CABCOCO1: variants seen among roughly 807,000 people sequenced by gnomAD.
CABCOCO1 encodes the protein ciliary associated calcium binding coiled-coil 1.
Under a neutral mutation model 35.7 loss-of-function variants are expected in CABCOCO1, and 28 were observed. The ratio of observed to expected loss-of-function variants is 0.78; its 90% confidence interval spans 0.58 to 1.07. CABCOCO1 has a LOEUF of 1.07. Among genes scored for constraint, CABCOCO1 ranks in the 50% least tolerant of loss-of-function variants. The pLI is 0.00. For missense variants in CABCOCO1, 326 were observed against 309.2 expected (o/e 1.05, Z -0.41); for synonymous variants, 95 against 100.1 (o/e 0.95, Z 0.30).
At chr10:61,677,693 C>A (rs1839560043) in intron 2 of CABCOCO1, among the ~76,000 whole-genome samples, 1 of 152,078 alleles carries the variant, frequency 6.6e-6, no homozygotes, top group African/African-American at 2.4e-5. Flanking sequence ...TATCCCTCCC[C>A]ACTCCCCCAA....
intron 3 of CABCOCO1, among the ~76,000 whole-genome samples, chr10:61,681,802 A>G (rs1839800525): frequency 6.6e-6 from 1 of 152,162 alleles, no homozygotes; most frequent in Non-Finnish European, 1.5e-5. Flanking sequence ...TAAAAGAAGC[A>G]AAAATAAGAA....
intron 7 of CABCOCO1, among the ~76,000 whole-genome samples, chr10:61,761,883 T>C (rs1465512919): frequency 6.6e-6 from 1 of 152,104 alleles, no homozygotes; most frequent in African/African-American, 2.4e-5. Context: ...CATCAAATGT[T>C]ATTGCACTAT....
At chr10:61,690,693 TAAC>T (rs1840111604) in intron 5 of CABCOCO1, 72 bp downstream of exon 5, 1 of 982,966 alleles carries the variant, frequency 1.0e-6, no homozygotes, top group African/African-American at 1.6e-5. Flanking sequence ...TCTGGATCTT[TAAC>T]TGCTTAAAGC....
intron 3 of CABCOCO1, 41 bp downstream of exon 3, chr10:61,681,353 T>G (rs1274414643): frequency 2.9e-6 from 4 of 1,401,980 alleles, no homozygotes; most frequent in Non-Finnish European, 9.8e-7. Flanking sequence ...CAAATTTAAT[T>G]TACCATATAA....
intron 5 of CABCOCO1, among the ~76,000 whole-genome samples, chr10:61,741,110 C>T (rs1461304133): frequency 6.6e-6 from 1 of 151,680 alleles, no homozygotes; most frequent in Non-Finnish European, 1.5e-5. Flanking sequence ...CACCATTGCA[C>T]TCCAGCCTGG....
At chr10:61,693,401 A>T (rs1451525170) in intron 5 of CABCOCO1, among the ~76,000 whole-genome samples, 1 of 152,058 alleles carries the variant, frequency 6.6e-6, no homozygotes, top group Non-Finnish European at 1.5e-5. Flanking sequence ...GACAAACATG[A>T]ATGTTTGAAA....
chr10:61,662,939 C>A lies in CABCOCO1; in HGVS notation c.-34C>A. ...GGCCCCACCCCAGTTGCCTAGGTGA[C>A]GAGGGGCCGCTTCTCTCGGCCGAGA... On this transcript the variant is annotated 5_prime_UTR_variant, in exon 1 of 8. Coordinates refer to ENST00000648843, the MANE Select transcript of CABCOCO1 (RefSeq NM_001366906.2). 2.6e-6 allele frequency: 1 copy of A among 388,486 alleles called. No homozygotes were observed. The highest frequency in any genetic ancestry group is 5.4e-6 in the Non-Finnish European group (1 of 185,390). 24.1% of individuals were successfully genotyped at this position (388,486 alleles called of 1,614,324 possible).
intron 5 of CABCOCO1, among the ~76,000 whole-genome samples, chr10:61,752,611 A>G (rs1841812663): frequency 6.6e-6 from 1 of 152,186 alleles, no homozygotes; most frequent in Non-Finnish European, 1.5e-5. Context: ...CCTTGATGCT[A>G]AGGGTTACCA....
In CABCOCO1 at chr10:61,696,911, A is replaced by G. The variant is rs371182176; in HGVS notation, c.552+6290A>G. Among the ~76,000 whole-genome samples, 5 of 152,266 alleles carry G rather than the reference A, an allele frequency of 3.3e-5. No homozygotes were observed. In the East Asian group the frequency reaches 9.6e-4, roughly 29 times the overall value. ...TATGAACAGATAACATACTTTACCA[A>G]TAAACAGATATAAAGATATCCAACC... is the stretch of plus-strand genomic sequence containing the variant. On this transcript the variant is annotated intron_variant, in intron 5 of 7. Coordinates refer to ENST00000648843, the MANE Select transcript of CABCOCO1 (RefSeq NM_001366906.2).
intron 1 of CABCOCO1, among the ~76,000 whole-genome samples, chr10:61,668,886 C>CA (rs981333769): frequency 4.6e-5 from 7 of 151,722 alleles, no homozygotes; most frequent in African/African-American, 1.7e-4. Context: ...CTAAAGCCCC[C>CA]AAAAAACCCT....
intron 5 of CABCOCO1, among the ~76,000 whole-genome samples, chr10:61,713,649 G>C (rs1458968794): frequency 1.3e-5 from 2 of 152,136 alleles, no homozygotes; most frequent in Non-Finnish European, 2.9e-5. Context: ...CTGTGGGTTT[G>C]TCATAAATAG....
At chr10:61,694,595 C>G (rs1011988762) in intron 5 of CABCOCO1, among the ~76,000 whole-genome samples, 1 of 151,812 alleles carries the variant, frequency 6.6e-6, no homozygotes, top group African/African-American at 2.4e-5. Context: ...GTCAACACTT[C>G]CACTGAGAAC....
chr10:61,756,280 ATAAC>A (rs1268152730), intron 5 of CABCOCO1, among the ~76,000 whole-genome samples: 2 of 152,102 alleles, frequency 1.3e-5, no homozygotes, highest in Non-Finnish European at 2.9e-5. Context: ...AATGAACAAT[ATAAC>A]TAACTTAATT....
Position 61,672,775 on chromosome 10 carries a change from T to G in CABCOCO1, c.164+40T>G, listed in dbSNP as rs1839399105. The G allele has an allele frequency of 9.3e-6, 9 of 971,262 alleles. No homozygotes were observed. The South Asian group carries it at 1.9e-4, about 21-fold the overall frequency. 60.2% of individuals were successfully genotyped at this position (971,262 alleles called of 1,614,324 possible). A position where few individuals can be genotyped will look rare whatever the true frequency, so the allele number is the denominator to read the frequency against. On this transcript the variant is annotated intron_variant, in intron 2 of 7. Coordinates refer to ENST00000648843, the MANE Select transcript of CABCOCO1 (RefSeq NM_001366906.2). ...ATTACAATCACATGTAGAAGAACAG[T>G]TCGAGTTCTGCATCTGTAAATGATT...
At chr10:61,729,954 C>T (rs1374053055) in intron 5 of CABCOCO1, among the ~76,000 whole-genome samples, 1 of 151,938 alleles carries the variant, frequency 6.6e-6, no homozygotes, top group East Asian at 1.9e-4. Flanking sequence ...GATCAATGGA[C>T]ATAGGGTTTC....
rs1354357035 is a variant in CABCOCO1 at position 61,678,044 on chromosome 10, C to T, written c.165-3099C>T. 3.3e-5 allele frequency among the ~76,000 whole-genome samples: 5 copies of T among 151,876 alleles called. No individual in the cohort carries two copies. In the South Asian group the frequency reaches 8.3e-4, roughly 25 times the overall value. On this transcript the variant is annotated intron_variant, in intron 2 of 7. Transcript: ENST00000648843. ...TAATGTTTGCTATTGCCATTTAAAT[C>T]TTTAACCCTGGATTTTATTTTAATG...
chr10:61,709,287 A>G (rs1427252954), intron 5 of CABCOCO1, among the ~76,000 whole-genome samples: 1 of 152,146 alleles, frequency 6.6e-6, no homozygotes, highest in East Asian at 1.9e-4. Context: ...GTGTCACCCA[A>G]AGATTATTCC....
chr10:61,730,318 G>A (rs1388717940), intron 5 of CABCOCO1, among the ~76,000 whole-genome samples: 1 of 151,996 alleles, frequency 6.6e-6, no homozygotes, highest in African/African-American at 2.4e-5. Flanking sequence ...CAGCTTGAAG[G>A]GACTCCTCCT....
rs773642355 is a variant in CABCOCO1 at position 61,715,652 on chromosome 10, G to A, written c.552+25031G>A. Among the ~76,000 whole-genome samples the A allele has an allele frequency of 1.4e-3, 208 of 152,192 alleles. 2 individuals are homozygous for A. Among genetic ancestry groups the A allele is most frequent in the Admixed American group, 3.1e-3 (47 of 15,282 alleles). ...GCATGTTTTTGCAGTGGCTCGTACC[G>A]GTTGTTTCTTTCCATGTTTAGTGCT... On this transcript the variant is annotated intron_variant, in intron 5 of 7. Transcript: ENST00000648843.
Sources: allele counts gnomAD v4.1 joint callset (sites outside exome capture counted in the v4.1 genomes callset), GRCh38; gene constraint gnomAD v4.1.1; transcripts MANE v1.5; gene names NCBI Gene and HGNC (gene_info 2026-07-23, HGNC 2026-07-21).